The following GFM1 variants were observed in gnomAD, a reference collection of about 807,000 sequenced individuals.
GFM1 encodes G elongation factor mitochondrial 1, also known as elongation factor G, mitochondrial.
In GFM1, 62 loss-of-function variants were observed where a neutral mutation model predicts 96.2. The ratio of observed to expected loss-of-function variants is 0.64; its 90% CI spans 0.53 to 0.80. The LOEUF is 0.80. GFM1 is among the 30% of genes least tolerant of loss of function. The pLI, the probability that GFM1 is intolerant of heterozygous loss-of-function variation, is 0.00. For synonymous variants in GFM1, 282 were observed against 312.9 expected (o/e 0.90, Z 1.04); for missense variants, 852 against 916.6 (o/e 0.93, Z 0.91).
chr3:158,669,080 C>T, intron 13 of GFM1: 2 of 1,613,602 alleles, frequency 1.2e-6, no homozygotes, highest in Non-Finnish European at 1.7e-6. Context: ...CACAGGCAAC[C>T]CAGGCTAAAT....
intron 13 of GFM1, among the ~76,000 whole-genome samples, chr3:158,681,356 GT>G (rs1429593788): frequency 6.6e-6 from 1 of 152,204 alleles, no homozygotes; most frequent in Non-Finnish European, 1.5e-5. Flanking sequence ...TAGTATATAT[GT>G]AAAGTGCTTA....
intron 15 of GFM1, chr3:158,685,196 T>A (rs891607996): frequency 5.2e-5 from 8 of 155,104 alleles, no homozygotes; most frequent in Admixed American, 1.9e-4. Flanking sequence ...GTAATATTTG[T>A]ATTTAAATGC....
At chr3:158,669,719 C>T (rs2108062923) in intron 13 of GFM1, 2 of 1,069,668 alleles carry the variant, frequency 1.9e-6, no homozygotes, top group East Asian at 2.6e-5. Flanking sequence ...TTGTTTTAGA[C>T]TAGACTTCAA....
At chr3:158,649,903 G>C in intron 5 of GFM1, 1 of 978,694 alleles carries the variant, frequency 1.0e-6, no homozygotes, top group Admixed American at 2.0e-5. Context: ...TTACAGGTCT[G>C]CAGACCACAC....
intron 13 of GFM1, chr3:158,666,925 A>G (rs1047166590): frequency 1.3e-5 from 20 of 1,524,616 alleles, no homozygotes; most frequent in Non-Finnish European, 1.7e-5. Context: ...ATTCTGATTT[A>G]GAGTCAAAAT....
At chr3:158,663,527 A>G (rs1371989369) in intron 11 of GFM1, among the ~76,000 whole-genome samples, 2 of 152,204 alleles carry the variant, frequency 1.3e-5, no homozygotes, top group Non-Finnish European at 2.9e-5. Flanking sequence ...CCTTTTCTCA[A>G]TATAGAAAAG....
At chr3:158,648,072 C>CT (rs903232869) in intron 4 of GFM1, among the ~76,000 whole-genome samples, 3 of 151,502 alleles carry the variant, frequency 2.0e-5, no homozygotes, top group East Asian at 1.9e-4. Context: ...TGCCTGAAAA[C>CT]TTTTTTTTTC....
At chr3:158,666,778 T>C in intron 13 of GFM1, 1 of 1,580,412 alleles carries the variant, frequency 6.3e-7, no homozygotes, top group Non-Finnish European at 8.7e-7. Flanking sequence ...CATGATAAAA[T>C]TCAGAAAACA....
At chr3:158,653,999 G>A (rs753060248) in intron 7 of GFM1, among the ~76,000 whole-genome samples, 2 of 151,848 alleles carry the variant, frequency 1.3e-5, no homozygotes, top group African/African-American at 2.4e-5. Context: ...GGAACCTGGC[G>A]GGGCAGAGGC....
At chr3:158,667,659 G>C (rs1454432744) in intron 13 of GFM1, among the ~76,000 whole-genome samples, 1 of 152,108 alleles carries the variant, frequency 6.6e-6, no homozygotes, top group Non-Finnish European at 1.5e-5. Flanking sequence ...ATGCCTGTGT[G>C]TGCCTGTACT....
chr3:158,691,214 C>G, intron 17 of GFM1, 22 bp downstream of exon 17: 1 of 1,606,660 alleles, frequency 6.2e-7, no homozygotes, highest in Non-Finnish European at 8.5e-7. Flanking sequence ...TAAACTTACC[C>G]TTCAAAAGAC....
chr3:158,658,898 C>T lies in GFM1; in HGVS notation c.1084-24C>T, dbSNP rs949312891. The T allele has an allele frequency of 2.5e-6, 4 of 1,613,252 alleles. No individual in the cohort carries two copies. The African/African-American group carries it at 4.0e-5, about 16-fold the overall frequency. ...ATTATGTTTCTTTTTATTCTTCCTG[C>T]CCTTACCCAATCTTGACTTCTAGGT... On this transcript the variant is annotated intron_variant, in intron 8 of 17. Coordinates refer to ENST00000486715, the MANE Select transcript of GFM1 (RefSeq NM_024996.7).
At chr3:158,660,494 C>T (rs12637295) in intron 9 of GFM1, 36,701 of 241,736 alleles carry the variant, frequency 0.15, 3,259 homozygotes, top group South Asian at 0.21. Flanking sequence ...GTGATCCACT[C>T]GCCTCGGCCT....
intron 9 of GFM1, 118 bp downstream of exon 9, chr3:158,659,177 C>A: frequency 8.6e-7 from 1 of 1,166,596 alleles, no homozygotes. Flanking sequence ...TTTCTAGTTT[C>A]TTTCTACTTA....
intron 8 of GFM1, among the ~76,000 whole-genome samples, 155 bp downstream of exon 8, chr3:158,654,786 T>C (rs1722609550): frequency 6.6e-6 from 1 of 152,222 alleles, no homozygotes; most frequent in Admixed American, 6.5e-5. Context: ...TCTGACATGA[T>C]AGTTCTTTTG....
chr3:158,662,142 T>G (rs1041998805), intron 10 of GFM1, among the ~76,000 whole-genome samples: 2 of 152,186 alleles, frequency 1.3e-5, no homozygotes, highest in African/African-American at 4.8e-5. Context: ...TCCAAGCCTT[T>G]AGTGACTGCA....
At chr3:158,678,147 TGC>T (rs1725060060) in intron 13 of GFM1, among the ~76,000 whole-genome samples, 8 of 152,360 alleles carry the variant, frequency 5.3e-5, no homozygotes, top group Middle Eastern at 6.8e-3. Flanking sequence ...AAAAGATTAC[TGC>T]TCATTGACAA....
At chr3:158,666,767 C>T (rs767197762) in intron 13 of GFM1, 1 of 1,590,570 alleles carries the variant, frequency 6.3e-7, no homozygotes, top group African/African-American at 1.3e-5. Context: ...AAAATTAATG[C>T]CATGATAAAA....
chr3:158,667,011 C>T lies in GFM1; in HGVS notation c.1601+625C>T, dbSNP rs745485339. The T allele has an allele frequency of 1.9e-6, 3 of 1,597,032 alleles. No individual in the cohort carries two copies. Among genetic ancestry groups the T allele is most frequent in the Non-Finnish European group, 2.6e-6 (3 of 1,174,068 alleles). On this transcript the variant is annotated intron_variant, in intron 13 of 17. Transcript: ENST00000486715. ...TCAAATAAAGGTAAATTATACTTTACCTGAGATGCTATATTATGAAGTAGA... is the reference window on the plus strand; with the variant it reads ...TCAAATAAAGGTAAATTATACTTTATCTGAGATGCTATATTATGAAGTAGA...
Sources: gnomAD v4.1 joint callset for allele counts (sites outside exome capture counted in the v4.1 genomes callset) on GRCh38, gnomAD v4.1.1 for gene constraint, MANE v1.5 for transcripts, NCBI Gene and HGNC (gene_info 2026-07-23, HGNC 2026-07-21) for gene names.